Variants in NPFFR2 observed in about 807,000 individuals in gnomAD.
The protein encoded by NPFFR2 is G-protein coupled receptor 74.
NPFFR2 carries 15 observed loss-of-function variants against 13.1 expected under a neutral mutation model. The ratio of observed to expected loss-of-function variants is 1.15; its 90% confidence interval spans 0.77 to 1.76. The LOEUF is 1.76. Ranked by LOEUF, NPFFR2 falls within the 40% of genes most tolerant of loss-of-function variation. The probability of loss-of-function intolerance (pLI) is 0.00; values close to 1 mark genes in which losing one functional copy is unlikely to be tolerated. For synonymous variants in NPFFR2, 190 were observed against 175.7 expected (o/e 1.08, Z -0.65); for missense variants, 572 against 503.5 (o/e 1.14, Z -1.30).
chr4:72,129,952 G>T (rs1312866628), intron 2 of NPFFR2, among the ~76,000 whole-genome samples: 1 of 100,756 alleles, frequency 9.9e-6, no homozygotes, highest in South Asian at 3.7e-4. Context: ...GACTCTTAAG[G>T]AGCATGCTGC....
chr4:72,061,036 A>T (rs1311176202), intron 1 of NPFFR2, among the ~76,000 whole-genome samples: 1 of 152,192 alleles, frequency 6.6e-6, no homozygotes, highest in Non-Finnish European at 1.5e-5. Context: ...TCACAAAAGC[A>T]TTAGAAATAT....
At chr4:72,103,804 C>A (rs1393005177) in intron 1 of NPFFR2, among the ~76,000 whole-genome samples, 2 of 152,056 alleles carry the variant, frequency 1.3e-5, no homozygotes, top group Non-Finnish European at 2.9e-5. Flanking sequence ...CTTCCAAATA[C>A]ATTTTATCAA....
chr4:72,080,152 TGTTG>T (rs764354243), intron 1 of NPFFR2, among the ~76,000 whole-genome samples: 7 of 148,580 alleles, frequency 4.7e-5, no homozygotes, highest in Admixed American at 6.6e-5. Context: ...TTGTTGTTGT[TGTTG>T]TTTTTTTGTT....
chr4:72,147,381 A>T lies in NPFFR2; in HGVS notation c.832A>T (p.Ile278Phe), dbSNP rs1361106849. The stretch of plus-strand genomic sequence containing the variant: ...GCAGAAGATCATTAAGATGCTCCTG[A>T]TTGTGGCCCTGCTTTTTATTCTCTC... The part of the protein sequence containing the change: ...KKQKIIKMLL[I>F]VALLFILSWL... Residue 278 changes from isoleucine to phenylalanine, a missense_variant, in exon 4 of 4, where the codon ATT becomes TTT. Ile to Phe is a conservative substitution (Grantham distance 21). Transcript: ENST00000308744. 1 of 1,614,130 alleles carries T rather than the reference A, an allele frequency of 6.2e-7. No individual in the cohort carries two copies. Among genetic ancestry groups the T allele is most frequent in the Non-Finnish European group, 8.5e-7 (1 of 1,180,026 alleles).
chr4:72,070,074 G>A (rs1720199730), intron 1 of NPFFR2, among the ~76,000 whole-genome samples: 2 of 152,044 alleles, frequency 1.3e-5, no homozygotes, highest in Admixed American at 1.3e-4. Context: ...AAGGAATATA[G>A]CAATTTAGTA....
intron 1 of NPFFR2, among the ~76,000 whole-genome samples, chr4:72,050,586 G>A (rs954954916): frequency 2.6e-5 from 4 of 151,870 alleles, no homozygotes; most frequent in Admixed American, 6.6e-5. Context: ...AAAGCAACAT[G>A]TTTTACCTCA....
intron 1 of NPFFR2, among the ~76,000 whole-genome samples, chr4:72,116,221 A>G (rs182214023): frequency 4.3e-4 from 66 of 152,178 alleles, no homozygotes; most frequent in African/African-American, 1.4e-3. Context: ...ATATATTTTT[A>G]TTTGTAGACA....
chr4:72,104,642 G>A (rs921561958), intron 1 of NPFFR2, among the ~76,000 whole-genome samples: 1 of 151,996 alleles, frequency 6.6e-6, no homozygotes, highest in African/African-American at 2.4e-5. Flanking sequence ...AAAGGACTCA[G>A]AACTAACTTC....
intron 2 of NPFFR2, among the ~76,000 whole-genome samples, chr4:72,132,313 G>A (rs2102651): frequency 0.27 from 40,778 of 151,942 alleles, 6,686 homozygotes; most frequent in Non-Finnish European, 0.35. Flanking sequence ...TCCATGTTCC[G>A]TCAAAGGACA....
chr4:72,143,576 G>A (rs956098151), intron 3 of NPFFR2, among the ~76,000 whole-genome samples: 6 of 152,122 alleles, frequency 3.9e-5, no homozygotes, highest in Admixed American at 1.3e-4. Context: ...ATCTTATCCA[G>A]AAACACTTTT....
intron 1 of NPFFR2, among the ~76,000 whole-genome samples, chr4:72,078,865 T>A (rs1361929389): frequency 6.6e-6 from 1 of 152,118 alleles, no homozygotes; most frequent in Non-Finnish European, 1.5e-5. Context: ...TCCATTTATA[T>A]AACATTTTAA....
chr4:72,033,592 A>G (rs1718978506), intron 1 of NPFFR2, among the ~76,000 whole-genome samples: 1 of 152,232 alleles, frequency 6.6e-6, no homozygotes, highest in African/African-American at 2.4e-5. Flanking sequence ...ATGTCTATAG[A>G]AAACTTCAGA....
intron 1 of NPFFR2, among the ~76,000 whole-genome samples, chr4:72,086,787 A>G (rs1327795841): frequency 6.6e-6 from 1 of 152,114 alleles, no homozygotes; most frequent in Non-Finnish European, 1.5e-5. Flanking sequence ...AATGCAGAAT[A>G]AATAGTAAAA....
chr4:72,127,168 G>T (rs756459391), intron 1 of NPFFR2, among the ~76,000 whole-genome samples: 1 of 150,460 alleles, frequency 6.6e-6, no homozygotes. Context: ...GCTGGGCGTG[G>T]TGGCGGGTGC....
chr4:72,107,962 TTA>T (rs1721464385), intron 1 of NPFFR2, among the ~76,000 whole-genome samples: 1 of 152,016 alleles, frequency 6.6e-6, no homozygotes, highest in African/African-American at 2.4e-5. Flanking sequence ...AACAGAGATC[TTA>T]CTTATTACCA....
chr4:72,046,478 G>A lies in NPFFR2; in HGVS notation c.-8+14278G>A, dbSNP rs74508538. Among the ~76,000 whole-genome samples the A allele has an allele frequency of 3.3e-3, 503 of 152,182 alleles. 4 individuals carry two copies. Among genetic ancestry groups the A allele is most frequent in the African/African-American group, 0.011 (446 of 41,524 alleles). ...CACAGTGGGATATCCCTCACCAGAC[G>A]CTGGCACCATCCTCTTGGACTTCCC... On this transcript the variant is annotated intron_variant, in intron 1 of 3. Transcript: ENST00000308744.
intron 1 of NPFFR2, among the ~76,000 whole-genome samples, chr4:72,090,089 C>T (rs1020218410): frequency 9.9e-5 from 15 of 152,088 alleles, no homozygotes; most frequent in Non-Finnish European, 2.1e-4. Context: ...TGTCCTTTCT[C>T]CACTCTTATG....
Position 72,032,192 on chromosome 4 carries a change from C to A in NPFFR2, c.-16C>A. 1 of 1,607,948 alleles carries A rather than the reference C, an allele frequency of 6.2e-7. No individual in the cohort carries two copies. Among genetic ancestry groups the A allele is most frequent in the Non-Finnish European group, 8.5e-7 (1 of 1,176,680 alleles). On this transcript the variant is annotated 5_prime_UTR_variant, in exon 1 of 4. Transcript: ENST00000308744. Reference sequence around the variant, plus strand: ...TGGTTCCTGCCGCCGACAGGGCTCGCCGGGAGAGGTAACAGCATGGGCCAG... The same window carrying A: ...TGGTTCCTGCCGCCGACAGGGCTCGACGGGAGAGGTAACAGCATGGGCCAG...
chr4:72,100,565 A>ACTAC (rs1560411145), intron 1 of NPFFR2, among the ~76,000 whole-genome samples: 1 of 150,414 alleles, frequency 6.6e-6, no homozygotes, highest in Non-Finnish European at 1.5e-5. Flanking sequence ...ACTACTACTA[A>ACTAC]TACTAGTACT....
Sources: gnomAD v4.1 joint callset for allele counts (sites outside exome capture counted in the v4.1 genomes callset) on GRCh38, gnomAD v4.1.1 for gene constraint, MANE v1.5 for transcripts, NCBI Gene and HGNC (gene_info 2026-07-23, HGNC 2026-07-21) for gene names.